The following PID1 variants were observed in gnomAD, a reference collection of about 807,000 sequenced individuals.
PID1 encodes PTB-containing, cubilin and LRP1-interacting protein.
Under a neutral mutation model 19.1 loss-of-function variants are expected in PID1, and 10 were observed. The ratio of observed to expected loss-of-function variants is 0.52; its 90% CI spans 0.32 to 0.89. The LOEUF is 0.89. PID1 is among the 40% of genes least tolerant of loss of function. PID1 has a pLI of 0.03. For synonymous variants in PID1, 130 were observed against 116.0 expected, an observed-to-expected ratio of 1.12 and a Z score of -0.78; for missense variants, 248 against 285.3, an observed-to-expected ratio of 0.87 and a Z score of 0.94.
chr2:229,107,663 G>T (rs1006577269), intron 2 of PID1, among the ~76,000 whole-genome samples: 1 of 152,136 alleles, frequency 6.6e-6, no homozygotes, highest in Non-Finnish European at 1.5e-5. Flanking sequence ...GTTGTCGACG[G>T]TGCTTTTATA....
intron 2 of PID1, among the ~76,000 whole-genome samples, chr2:229,127,132 A>G (rs542120031): frequency 3.9e-5 from 6 of 152,362 alleles, no homozygotes; most frequent in Admixed American, 3.9e-4. Flanking sequence ...TCAATCATTT[A>G]GGACACCCAA....
chr2:229,245,038 T>A (rs769784627), intron 1 of PID1: 1 of 152,120 alleles, frequency 6.6e-6, no homozygotes, highest in Non-Finnish European at 1.5e-5. Context: ...CACAGGTCTG[T>A]TGTGTTGCAA....
At chr2:229,235,811 G>A (rs1692313902) in intron 1 of PID1, among the ~76,000 whole-genome samples, 1 of 152,142 alleles carries the variant, frequency 6.6e-6, no homozygotes, top group South Asian at 2.1e-4. Flanking sequence ...AGAAACGCCA[G>A]CCAAACAGAC....
intron 2 of PID1, among the ~76,000 whole-genome samples, chr2:229,126,040 A>C (rs565130194): frequency 3.9e-5 from 6 of 152,270 alleles, no homozygotes; most frequent in African/African-American, 1.4e-4. Flanking sequence ...ATAGTTATAC[A>C]GCCTAATTTC....
intron 2 of PID1, among the ~76,000 whole-genome samples, chr2:229,118,414 C>A (rs764905336): frequency 2.6e-5 from 4 of 152,132 alleles, no homozygotes; most frequent in African/African-American, 4.8e-5. Context: ...AGAATAATAC[C>A]AAGACAATGC....
At chr2:229,217,135 A>G (rs1691864888) in intron 1 of PID1, among the ~76,000 whole-genome samples, 1 of 152,150 alleles carries the variant, frequency 6.6e-6, no homozygotes, top group Non-Finnish European at 1.5e-5. Context: ...CCAACTGGGG[A>G]CAGAGCCCAT....
intron 1 of PID1, among the ~76,000 whole-genome samples, chr2:229,213,387 T>C (rs746196296): frequency 2.0e-5 from 3 of 152,202 alleles, no homozygotes; most frequent in Non-Finnish European, 2.9e-5. Context: ...GATGCATCTG[T>C]CTACATCACT....
chr2:229,047,989 C>T (rs1329687282), intron 2 of PID1, among the ~76,000 whole-genome samples: 2 of 152,156 alleles, frequency 1.3e-5, no homozygotes, highest in Non-Finnish European at 2.9e-5. Flanking sequence ...GTGAAGAAAC[C>T]AAGATGTCCC....
chr2:229,262,415 G>C (rs922138204), intron 1 of PID1, among the ~76,000 whole-genome samples: 1 of 152,130 alleles, frequency 6.6e-6, no homozygotes, highest in Admixed American at 6.6e-5. Context: ...AAAGGAGAAA[G>C]AAGCAATAGC....
chr2:229,147,111 T>C (rs112581957), intron 2 of PID1, among the ~76,000 whole-genome samples: 1 of 152,220 alleles, frequency 6.6e-6, no homozygotes, highest in Admixed American at 6.5e-5. Flanking sequence ...ACAATTACTA[T>C]GCTGAGCACA....
intron 2 of PID1, among the ~76,000 whole-genome samples, chr2:229,101,896 G>C (rs1416929898): frequency 6.6e-6 from 1 of 152,074 alleles, no homozygotes; most frequent in African/African-American, 2.4e-5. Context: ...TAACATAGGA[G>C]ATAGAATTAA....
At chr2:229,110,730 C>T (rs990612576) in intron 2 of PID1, among the ~76,000 whole-genome samples, 1 of 152,080 alleles carries the variant, frequency 6.6e-6, no homozygotes, top group Non-Finnish European at 1.5e-5. Context: ...TGTCACAATG[C>T]AGTTATTGTC....
chr2:229,266,270 A>ATT (rs150485823), intron 1 of PID1, among the ~76,000 whole-genome samples: 27 of 148,504 alleles, frequency 1.8e-4, no homozygotes, highest in East Asian at 4.0e-4. Context: ...CCTTCTCCCC[A>ATT]TTTTTTTTTT....
At chr2:229,158,080 C>T (rs762858836) in intron 1 of PID1, among the ~76,000 whole-genome samples, 1 of 152,236 alleles carries the variant, frequency 6.6e-6, no homozygotes, top group African/African-American at 2.4e-5. Flanking sequence ...CCCACCCTTA[C>T]ATTTGCATTT....
At chr2:229,077,495 T>G (rs1163194057) in intron 2 of PID1, among the ~76,000 whole-genome samples, 2 of 152,242 alleles carry the variant, frequency 1.3e-5, no homozygotes, top group Non-Finnish European at 2.9e-5. Flanking sequence ...CTAGGTTTTC[T>G]TCAAGGGTTT....
intron 2 of PID1, among the ~76,000 whole-genome samples, chr2:229,051,438 A>T (rs1693993947): frequency 6.6e-6 from 1 of 152,058 alleles, no homozygotes. Context: ...CCCCGGTACA[A>T]GCGGTTCTTC....
In PID1 at chr2:229,024,957, G is replaced by T. The variant is rs1693378812; in HGVS notation, c.*675C>A. The T allele has an allele frequency of 1.3e-5, 2 of 152,758 alleles. No individual in the cohort carries two copies. Among genetic ancestry groups the T allele is most frequent in the Admixed American group, 1.3e-4 (2 of 15,280 alleles). 9.5% of individuals were successfully genotyped at this position (152,758 alleles called of 1,614,324 possible). On this transcript the variant is annotated 3_prime_UTR_variant, in exon 3 of 3. Coordinates refer to ENST00000392055, the MANE Select transcript of PID1 (RefSeq NM_001100818.2). ...AGGGCAGCAGGAGGGAAAGGGAAGGGGTCATTAGTAATTGCAAGTATTCTA... is the reference window on the plus strand; with the variant it reads ...AGGGCAGCAGGAGGGAAAGGGAAGGTGTCATTAGTAATTGCAAGTATTCTA...
intron 2 of PID1, among the ~76,000 whole-genome samples, chr2:229,086,124 T>C (rs1694759378): frequency 6.6e-6 from 1 of 152,090 alleles, no homozygotes; most frequent in Non-Finnish European, 1.5e-5. Flanking sequence ...ATATAATTAG[T>C]TTTGGGTGAT....
At chr2:229,034,013 T>G (rs1309519965) in intron 2 of PID1, among the ~76,000 whole-genome samples, 1 of 152,154 alleles carries the variant, frequency 6.6e-6, no homozygotes, top group Non-Finnish European at 1.5e-5. Flanking sequence ...ACTGGGCACT[T>G]TGAAGAGTGG....
Sources: gnomAD v4.1 joint callset for allele counts (sites outside exome capture counted in the v4.1 genomes callset) on GRCh38, gnomAD v4.1.1 for gene constraint, MANE v1.5 for transcripts, NCBI Gene and HGNC (gene_info 2026-07-23, HGNC 2026-07-21) for gene names.